ATL1: variants seen among roughly 807,000 people sequenced by gnomAD.
ATL1 encodes the protein atlastin GTPase 1.
A neutral mutation model predicts 75.5 loss-of-function variants in ATL1; 31 were observed. That is an observed-to-expected ratio of 0.41 (90% CI 0.31 to 0.55). The LOEUF (loss-of-function observed/expected upper bound fraction) is 0.55, where lower values mean the gene tolerates loss of function less well. ATL1 is among the 20% of genes least tolerant of loss of function. The pLI, the probability that ATL1 is intolerant of heterozygous loss-of-function variation, is 0.27. For synonymous variants in ATL1, 226 were observed against 233.3 expected, an observed-to-expected ratio of 0.97 and a Z score of 0.28; for missense variants, 405 against 662.6, an observed-to-expected ratio of 0.61 and a Z score of 4.27.
At chr14:50,613,438 C>A in intron 7 of ATL1, 87 bp downstream of exon 7, 1 of 931,140 alleles carries the variant, frequency 1.1e-6, no homozygotes, top group Non-Finnish European at 1.7e-6. Context: ...TACTCAGTAG[C>A]CACTAGCCGC....
Position 50,604,452 on chromosome 14 carries a change from C to T in ATL1, c.631-8807C>T, listed in dbSNP as rs185077111. Among the ~76,000 whole-genome samples, 8 of 152,068 alleles carry T rather than the reference C, an allele frequency of 5.3e-5. No individual in the cohort carries two copies. In the East Asian group the frequency reaches 5.8e-4, roughly 11 times the overall value. On this transcript the variant is annotated intron_variant, in intron 6 of 13. Transcript: ENST00000358385. ...CCATGCTGTTCATAAAGCATGTGTACGATAAATGTTCACTAAGGGGGTAGT... is the reference window on the plus strand; with the variant it reads ...CCATGCTGTTCATAAAGCATGTGTATGATAAATGTTCACTAAGGGGGTAGT...
At chr14:50,571,249 C>T (rs2038952682) in intron 1 of ATL1, among the ~76,000 whole-genome samples, 1 of 152,142 alleles carries the variant, frequency 6.6e-6, no homozygotes. Context: ...GACAGGGGTT[C>T]TTATTCCCAC....
At chr14:50,569,758 T>C (rs1413384630) in intron 1 of ATL1, among the ~76,000 whole-genome samples, 1 of 152,206 alleles carries the variant, frequency 6.6e-6, no homozygotes, top group Non-Finnish European at 1.5e-5. Context: ...CTCCAGCTTT[T>C]GTTTATCTGG....
intron 8 of ATL1, 22 bp downstream of exon 8, chr14:50,614,533 T>C: frequency 6.2e-7 from 1 of 1,612,086 alleles, no homozygotes; most frequent in Non-Finnish European, 8.5e-7. Flanking sequence ...TTAATGAATA[T>C]GTTTGCATCA....
chr14:50,559,982 C>A (rs1355042495), upstream of ATL1: 2 of 499,380 alleles, frequency 4.0e-6, no homozygotes, highest in Non-Finnish European at 7.3e-6. Context: ...TGTTGCGGTA[C>A]GTGGTCTATC....
intron 3 of ATL1, 100 bp downstream of exon 3, chr14:50,591,175 A>G (rs1444195878): frequency 3.2e-6 from 4 of 1,241,498 alleles, no homozygotes; most frequent in East Asian, 5.0e-5. Context: ...AATTTTGACC[A>G]TTTGACATGA....
chr14:50,543,283 C>T (rs986819533), intron 1 of ATL1, among the ~76,000 whole-genome samples: 2 of 152,200 alleles, frequency 1.3e-5, no homozygotes, highest in African/African-American at 4.8e-5. Context: ...GCAGAGATCC[C>T]AGTATGATAC....
upstream of ATL1, among the ~76,000 whole-genome samples, chr14:50,558,329 G>A (rs1022888664): frequency 6.6e-6 from 1 of 152,196 alleles, no homozygotes; most frequent in East Asian, 1.9e-4. Context: ...ACTGCACTCC[G>A]GCCTGGGCAA....
intron 10 of ATL1, among the ~76,000 whole-genome samples, chr14:50,622,647 C>G (rs919057286): frequency 6.6e-6 from 1 of 151,698 alleles, no homozygotes; most frequent in Admixed American, 6.6e-5. Flanking sequence ...GCCTGGGCAA[C>G]AGAGCAAGAC....
At chr14:50,621,929 G>C in intron 10 of ATL1, 30 bp downstream of exon 10, 1 of 1,447,102 alleles carries the variant, frequency 6.9e-7, no homozygotes, top group Non-Finnish European at 9.7e-7. Context: ...CATGTTTTAA[G>C]ACACGTGACT....
At chr14:50,595,492 G>T in intron 5 of ATL1, 84 bp from the exon 6 acceptor site, 1 of 1,277,632 alleles carries the variant, frequency 7.8e-7, no homozygotes, top group East Asian at 2.3e-5. Flanking sequence ...AGAAAGCCAA[G>T]AATTAAAACT....
chr14:50,574,053 G>A (rs2038979236), intron 1 of ATL1, among the ~76,000 whole-genome samples: 1 of 152,162 alleles, frequency 6.6e-6, no homozygotes, highest in South Asian at 2.1e-4. Context: ...GTCACCTTGT[G>A]TACCTAATTA....
In ATL1 at chr14:50,628,091, C is replaced by T; in HGVS notation, c.1180C>T (p.Leu394Phe). The change falls in exon 12 of 14, where the codon CTT becomes TTT. Residue 394 changes from leucine to phenylalanine, a missense_variant. Around this residue, in one of 5 missense-constraint regions of ATL1, gnomAD observed 163 missense variants for 244.1 expected, o/e 0.67. Transcript: ENST00000358385. ...PNDLQTKHLQLKEESVKLFRG... is the reference protein window; with the variant it reads ...PNDLQTKHLQFKEESVKLFRG... ...TGACTTGCAGACCAAACACCTGCAACTTAAGGAAGAATCTGTGAAGCTATT... is the reference window on the plus strand; with the variant it reads ...TGACTTGCAGACCAAACACCTGCAATTTAAGGAAGAATCTGTGAAGCTATT... 1 of 1,614,130 alleles carries T rather than the reference C, an allele frequency of 6.2e-7. No homozygotes were observed. The highest frequency in any genetic ancestry group is 8.5e-7 in the Non-Finnish European group (1 of 1,180,022).
Position 50,628,099 on chromosome 14 carries a change from A to G in ATL1, c.1188A>G (p.Glu396=). ...DLQTKHLQLK[E]ESVKLFRGVK... ...AGACCAAACACCTGCAACTTAAGGA[A>G]GAATCTGTGAAGCTATTCCGAGGGG... The change falls in exon 12 of 14, where the codon GAA becomes GAG. Residue 396 remains glutamate (E), a synonymous_variant. Coordinates refer to ENST00000358385, the MANE Select transcript of ATL1 (RefSeq NM_015915.5). 2.5e-6 allele frequency: 4 copies of G among 1,614,220 alleles called. No homozygotes were observed. The highest frequency in any genetic ancestry group is 3.4e-6 in the Non-Finnish European group (4 of 1,180,040).
chr14:50,617,559 T>G (rs1261029529), intron 8 of ATL1, among the ~76,000 whole-genome samples: 3 of 152,196 alleles, frequency 2.0e-5, no homozygotes, highest in African/African-American at 7.2e-5. Context: ...CTTTGTTAAT[T>G]TATACAGCAA....
chr14:50,564,959 A>G (rs940061039), intron 1 of ATL1, among the ~76,000 whole-genome samples: 1 of 151,964 alleles, frequency 6.6e-6, no homozygotes, highest in Non-Finnish European at 1.5e-5. Flanking sequence ...CTCATCTTCT[A>G]TATACCTAAT....
intron 1 of ATL1, among the ~76,000 whole-genome samples, chr14:50,544,535 A>G (rs2038603841): frequency 6.6e-6 from 1 of 152,210 alleles, no homozygotes; most frequent in Non-Finnish European, 1.5e-5. Flanking sequence ...AACAGGGTAC[A>G]CAAGACACAG....
At chr14:50,621,921 T>A in intron 10 of ATL1, 22 bp downstream of exon 10, 7 of 1,535,746 alleles carry the variant, frequency 4.6e-6, no homozygotes, top group Non-Finnish European at 5.4e-6. Flanking sequence ...TGAGGAGGCA[T>A]GTTTTAAGAC....
intron 1 of ATL1, among the ~76,000 whole-genome samples, chr14:50,580,270 C>T (rs538236439): frequency 3.5e-4 from 53 of 152,244 alleles, no homozygotes; most frequent in African/African-American, 5.8e-4. Flanking sequence ...CGTCTGAACA[C>T]GGGTTTTCAC....
Sources: gnomAD v4.1 joint callset for allele counts (sites outside exome capture counted in the v4.1 genomes callset) on GRCh38, gnomAD v4.1.1 for gene constraint, gnomAD v4.1.1 regional missense constraint, MANE v1.5 for transcripts, NCBI Gene and HGNC (gene_info 2026-07-23, HGNC 2026-07-21) for gene names.